The following AGTPBP1 variants were observed in gnomAD, a reference collection of about 807,000 sequenced individuals.
AGTPBP1 encodes cytosolic carboxypeptidase 1.
In AGTPBP1, 70 loss-of-function variants were observed where a neutral mutation model predicts 143.9. The observed-to-expected ratio is 0.49, with a 90% CI of 0.40 to 0.59. The LOEUF is 0.59. AGTPBP1 is among the 20% of genes least tolerant of loss of function. The pLI is 0.00. For synonymous variants in AGTPBP1, 463 were observed against 500.2 expected, an observed-to-expected ratio of 0.93 and a Z score of 0.99; for missense variants, 1,229 against 1,464.5, an observed-to-expected ratio of 0.84 and a Z score of 2.62.
the AGTPBP1 span, among the ~76,000 whole-genome samples, chr9:85,748,997 C>CTTTTTT: frequency 4.6e-4 from 44 of 95,428 alleles, 1 homozygote; most frequent in East Asian, 2.3e-3. Flanking sequence ...ATCTAGTGCA[C>CTTTTTT]TTTTTTTTTT....
At chr9:85,628,625 T>C (rs534736071) in intron 14 of AGTPBP1, among the ~76,000 whole-genome samples, 2 of 152,326 alleles carry the variant, frequency 1.3e-5, no homozygotes, top group South Asian at 4.1e-4. Context: ...GATTCTCAAA[T>C]GCATTTTGGA....
chr9:85,628,984 G>T (rs889769160), intron 14 of AGTPBP1, among the ~76,000 whole-genome samples: 5 of 152,072 alleles, frequency 3.3e-5, no homozygotes, highest in African/African-American at 1.2e-4. Context: ...CAAAGTCCTG[G>T]GATTACAGGC....
At position 85,632,727 on chromosome 9, in the gene AGTPBP1, A is replaced by T; in HGVS notation, c.1950T>A (p.Asp650Glu). 6.2e-7 allele frequency: 1 copy of T among 1,614,158 alleles called. No homozygotes were observed. The highest frequency in any genetic ancestry group is 1.1e-5 in the South Asian group (1 of 91,070). The change falls in exon 14 of 26, where the codon GAT becomes GAA. Residue 650 changes from aspartate (D) to glutamate (E), a missense_variant. Coordinates refer to ENST00000357081, the MANE Select transcript of AGTPBP1 (RefSeq NM_001330701.2). ...ATGGAGGCGGAATGTGACCAAAATAATCGGGATAAGCCACCTCTGAATATT... is the reference window on the plus strand; with the variant it reads ...ATGGAGGCGGAATGTGACCAAAATATTCGGGATAAGCCACCTCTGAATATT... ...VPEYSEVAYP[D>E]YFGHIPPPFK...
At chr9:85,624,590 C>G (rs1831156759) in intron 14 of AGTPBP1, among the ~76,000 whole-genome samples, 1 of 152,140 alleles carries the variant, frequency 6.6e-6, no homozygotes, top group Non-Finnish European at 1.5e-5. Context: ...CCAGAAGTAC[C>G]TGTGTTTTCC....
the AGTPBP1 span, among the ~76,000 whole-genome samples, chr9:85,770,061 T>TTTTGTG: frequency 6.7e-6 from 1 of 148,282 alleles, no homozygotes; most frequent in Non-Finnish European, 1.5e-5. Flanking sequence ...TGTTAATCTG[T>TTTTGTG]TGTGTGTGTG....
the AGTPBP1 span, chr9:85,753,303 T>C: frequency 1.9e-6 from 3 of 1,613,794 alleles, no homozygotes; most frequent in Admixed American, 3.3e-5. Flanking sequence ...TCTTTTTCTA[T>C]AGGAACTACA....
intron 25 of AGTPBP1, among the ~76,000 whole-genome samples, chr9:85,554,618 T>C (rs1394371958): frequency 1.3e-5 from 2 of 152,120 alleles, no homozygotes; most frequent in Non-Finnish European, 2.9e-5. Context: ...TGCCCTACTC[T>C]AAAAGCCTCC....
At chr9:85,695,596 G>T (rs1056025533) in intron 2 of AGTPBP1, among the ~76,000 whole-genome samples, 16 of 152,134 alleles carry the variant, frequency 1.1e-4, no homozygotes, top group African/African-American at 3.9e-4. Flanking sequence ...TGAATTTGTA[G>T]TTTAAAGAGA....
chr9:85,671,281 A>G (rs1834466671), intron 7 of AGTPBP1, among the ~76,000 whole-genome samples: 1 of 151,946 alleles, frequency 6.6e-6, no homozygotes, highest in Admixed American at 6.6e-5. Flanking sequence ...TTATTTTTTA[A>G]ATCAACTGCT....
chr9:85,683,640 TAC>T (rs1835323025), intron 3 of AGTPBP1, among the ~76,000 whole-genome samples: 1 of 152,172 alleles, frequency 6.6e-6, no homozygotes, highest in African/African-American at 2.4e-5. Context: ...TTCATTCAAA[TAC>T]CTAGTTCCAT....
upstream of AGTPBP1, chr9:85,742,039 G>A (rs1348721312): frequency 1.7e-6 from 2 of 1,188,806 alleles, no homozygotes; most frequent in East Asian, 3.7e-5. Context: ...GGGAGTGGGG[G>A]CGGGGCGTGC....
At chr9:85,618,381 A>G (rs1360070035) in intron 17 of AGTPBP1, among the ~76,000 whole-genome samples, 4 of 152,188 alleles carry the variant, frequency 2.6e-5, no homozygotes, top group Admixed American at 6.5e-5. Flanking sequence ...AAGAGGAGGG[A>G]ACACTTCCCA....
At chr9:85,785,885 A>G in the AGTPBP1 span, 1 of 386,004 alleles carries the variant, frequency 2.6e-6, no homozygotes, top group Non-Finnish European at 4.6e-6. Context: ...TCCATGAATT[A>G]AAGTTGTGAG....
the AGTPBP1 span, among the ~76,000 whole-genome samples, chr9:85,789,885 G>A: frequency 6.6e-6 from 1 of 152,036 alleles, no homozygotes; most frequent in Admixed American, 6.6e-5. Flanking sequence ...TCGGTTCTGT[G>A]GTCAAAACAA....
At chr9:85,753,265 G>C in the AGTPBP1 span, 1 of 1,610,188 alleles carries the variant, frequency 6.2e-7, no homozygotes, top group Non-Finnish European at 8.5e-7. Flanking sequence ...TAATGGTCAG[G>C]TGTAAAAGCA....
chr9:85,725,550 C>A (rs1021914060), intron 1 of AGTPBP1, among the ~76,000 whole-genome samples: 2 of 152,006 alleles, frequency 1.3e-5, no homozygotes, highest in Admixed American at 6.6e-5. Flanking sequence ...CCATAGGCAC[C>A]GCCAACTACC....
the AGTPBP1 span, among the ~76,000 whole-genome samples, chr9:85,801,873 C>T: frequency 8.5e-5 from 13 of 152,342 alleles, no homozygotes; most frequent in African/African-American, 2.9e-4. Context: ...CTCTCCAAAA[C>T]TACTCACTAC....
chr9:85,585,688 G>A, intron 22 of AGTPBP1, 94 bp from the exon 23 acceptor site: 1 of 979,806 alleles, frequency 1.0e-6, no homozygotes, highest in Non-Finnish European at 1.4e-6. Flanking sequence ...ATGTAGGTCT[G>A]TGTTCCTTGG....
At chr9:85,760,454 G>A in the AGTPBP1 span, among the ~76,000 whole-genome samples, 10 of 152,304 alleles carry the variant, frequency 6.6e-5, no homozygotes, top group East Asian at 1.2e-3. Flanking sequence ...GGGATGCAAG[G>A]CTGGTTCAAC....
Sources: allele counts gnomAD v4.1 joint callset (sites outside exome capture counted in the v4.1 genomes callset), GRCh38; gene constraint gnomAD v4.1.1; transcripts MANE v1.5; gene names NCBI Gene and HGNC (gene_info 2026-07-23, HGNC 2026-07-21).